Variants in DLG2 observed in about 807,000 individuals in gnomAD.
The protein encoded by DLG2 is discs large MAGUK scaffold protein 2.
Under a neutral mutation model 132.5 loss-of-function variants are expected in DLG2, and 45 were observed. That is an observed-to-expected ratio of 0.34 (90% confidence interval 0.27 to 0.44). The LOEUF is 0.44. Ranked by LOEUF, DLG2 falls within the 20% of genes least tolerant of loss-of-function variation. The pLI, the probability that DLG2 is intolerant of heterozygous loss-of-function variation, is 1.00. For missense variants in DLG2, 1,045 were observed against 1,196.9 expected (o/e 0.87, Z 1.87); for synonymous variants, 424 against 419.6 (o/e 1.01, Z -0.13).
At chr11:85,426,052 T>C (rs2090699778) in intron 3 of DLG2, among the ~76,000 whole-genome samples, 1 of 152,174 alleles carries the variant, frequency 6.6e-6, no homozygotes, top group Admixed American at 6.5e-5. Flanking sequence ...AGCGCAGCAG[T>C]CTGAGATCAA....
At chr11:84,011,094 A>G (rs753849105) in intron 11 of DLG2, among the ~76,000 whole-genome samples, 12 of 152,142 alleles carry the variant, frequency 7.9e-5, no homozygotes, top group Non-Finnish European at 1.2e-4. Flanking sequence ...TAAAAAATAA[A>G]ACAGGTTGAG....
chr11:83,584,321 T>C (rs762014270), intron 19 of DLG2, among the ~76,000 whole-genome samples: 8 of 152,222 alleles, frequency 5.3e-5, no homozygotes, highest in Non-Finnish European at 1.2e-4. Flanking sequence ...TGTTCGGTAA[T>C]GTTTGTTATG....
intron 19 of DLG2, among the ~76,000 whole-genome samples, chr11:83,571,045 G>A (rs1216522353): frequency 6.6e-6 from 1 of 151,952 alleles, no homozygotes; most frequent in East Asian, 1.9e-4. Flanking sequence ...ACCACGCCCG[G>A]CTAATTTTGT....
intron 4 of DLG2, among the ~76,000 whole-genome samples, chr11:85,254,136 G>T (rs1177623073): frequency 2.0e-5 from 3 of 152,134 alleles, no homozygotes; most frequent in Non-Finnish European, 4.4e-5. Flanking sequence ...CTGGGGACCT[G>T]CCCACTTCTG....
At chr11:84,600,192 G>T (rs986400389) in intron 6 of DLG2, among the ~76,000 whole-genome samples, 1 of 134,984 alleles carries the variant, frequency 7.4e-6, no homozygotes, top group Admixed American at 7.3e-5. Context: ...AAGAAAGAAA[G>T]AAAGAAAGAA....
At chr11:85,423,153 C>G (rs1269801439) in intron 3 of DLG2, among the ~76,000 whole-genome samples, 1 of 152,160 alleles carries the variant, frequency 6.6e-6, no homozygotes, top group Non-Finnish European at 1.5e-5. Flanking sequence ...TAGAACTCTC[C>G]CCTTTTTCCT....
chr11:83,727,205 A>G (rs2090165041), intron 18 of DLG2, among the ~76,000 whole-genome samples: 1 of 152,054 alleles, frequency 6.6e-6, no homozygotes, highest in African/African-American at 2.4e-5. Context: ...TCAACAGTCC[A>G]CTCATTCCCT....
At chr11:85,303,436 A>G (rs964470980) in intron 3 of DLG2, among the ~76,000 whole-genome samples, 3 of 152,228 alleles carry the variant, frequency 2.0e-5, no homozygotes, top group East Asian at 1.9e-4. Context: ...GGGAACATAC[A>G]TGTAAATATC....
At chr11:84,463,116 G>C (rs958084153) in intron 7 of DLG2, among the ~76,000 whole-genome samples, 1 of 151,176 alleles carries the variant, frequency 6.6e-6, no homozygotes, top group Non-Finnish European at 1.5e-5. Flanking sequence ...GGATCTGAGA[G>C]AGGTTCAGCC....
chr11:83,531,107 T>G (rs2141014061), intron 21 of DLG2, among the ~76,000 whole-genome samples: 1 of 152,038 alleles, frequency 6.6e-6, no homozygotes, highest in South Asian at 2.1e-4. Context: ...TAGGCAATGG[T>G]TTCTTAGATA....
At chr11:83,804,345 T>C (rs754707454) in intron 17 of DLG2, among the ~76,000 whole-genome samples, 9 of 152,098 alleles carry the variant, frequency 5.9e-5, no homozygotes, top group Admixed American at 6.6e-5. Flanking sequence ...AAATATCTGT[T>C]GCTTTTGTTT....
intron 6 of DLG2, among the ~76,000 whole-genome samples, chr11:84,674,307 A>G (rs1390782135): frequency 6.6e-6 from 1 of 152,118 alleles, no homozygotes; most frequent in African/African-American, 2.4e-5. Flanking sequence ...CTCAAATCCA[A>G]TATGTCACCA....
intron 9 of DLG2, among the ~76,000 whole-genome samples, chr11:84,160,326 G>A (rs2154259946): frequency 6.6e-6 from 1 of 152,218 alleles, no homozygotes; most frequent in Middle Eastern, 3.4e-3. Flanking sequence ...TTTTGTCCTG[G>A]AAGTTAAAAT....
chr11:84,714,763 T>C (rs1221987299), intron 6 of DLG2, among the ~76,000 whole-genome samples: 8 of 151,528 alleles, frequency 5.3e-5, no homozygotes, highest in Admixed American at 4.6e-4. Flanking sequence ...CTCCTTCTTC[T>C]GTTTGCCTGG....
At chr11:84,479,002 G>C (rs994583048) in intron 7 of DLG2, among the ~76,000 whole-genome samples, 1 of 151,996 alleles carries the variant, frequency 6.6e-6, no homozygotes, top group East Asian at 1.9e-4. Context: ...TACTCCTTTA[G>C]TCCATTATAA....
intron 18 of DLG2, among the ~76,000 whole-genome samples, chr11:83,740,322 T>C (rs11823161): frequency 6.6e-6 from 1 of 152,174 alleles, no homozygotes; most frequent in African/African-American, 2.4e-5. Flanking sequence ...TATACAACAC[T>C]AAAAATGAAT....
intron 3 of DLG2, among the ~76,000 whole-genome samples, chr11:85,473,229 G>C (rs897025128): frequency 6.6e-6 from 1 of 152,248 alleles, no homozygotes; most frequent in Non-Finnish European, 1.5e-5. Context: ...GCTGGGCTGA[G>C]TGGGCGGAGC....
chr11:83,467,703 C>A (rs1396125872), intron 25 of DLG2, among the ~76,000 whole-genome samples: 1 of 147,050 alleles, frequency 6.8e-6, no homozygotes, highest in Non-Finnish European at 1.5e-5. Flanking sequence ...TGAGCTGAGA[C>A]CGTGCCATGG....
intron 25 of DLG2, among the ~76,000 whole-genome samples, chr11:83,467,765 C>CTATATGTGTATATATATATATA: frequency 1.0e-5 from 1 of 98,982 alleles, no homozygotes; most frequent in Non-Finnish European, 2.0e-5. Flanking sequence ...AAAATAAAAA[C>CTATATGTGTATATATATATATA]TATATGTATA....
Sources: gnomAD v4.1 joint callset for allele counts (sites outside exome capture counted in the v4.1 genomes callset) on GRCh38, gnomAD v4.1.1 for gene constraint, MANE v1.5 for transcripts, NCBI Gene and HGNC (gene_info 2026-07-23, HGNC 2026-07-21) for gene names.